Variants in PRKCZ observed in about 807,000 individuals in gnomAD.
The protein encoded by PRKCZ is protein kinase C zeta.
Under a neutral mutation model 79.5 loss-of-function variants are expected in PRKCZ, and 33 were observed. The observed-to-expected ratio is 0.41, with a 90% CI of 0.31 to 0.55. PRKCZ has a LOEUF of 0.55. Ranked by LOEUF, PRKCZ falls within the 20% of genes least tolerant of loss-of-function variation. PRKCZ has a pLI of 0.19. For missense variants in PRKCZ, 578 were observed against 813.5 expected, an observed-to-expected ratio of 0.71 and a Z score of 3.52; for synonymous variants, 342 against 320.9, an observed-to-expected ratio of 1.07 and a Z score of -0.70.
In PRKCZ at chr1:2,185,351, G is replaced by A. The variant is rs1687430879; in HGVS notation, c.*342G>A. 1.4e-6 allele frequency: 1 copy of A among 718,724 alleles called. No homozygotes were observed. Among genetic ancestry groups the A allele is most frequent in the African/African-American group, 1.7e-5 (1 of 57,280 alleles). The allele number at this position is 718,724 out of a possible 1,614,324, so 44.5% of individuals were successfully genotyped here. A position where few individuals can be genotyped will look rare whatever the true frequency, so the allele number is the denominator to read the frequency against. ...CACTGACCTGCTCCGCCAGGAAAGT[G>A]AGCGTGTAGCGTCCTGAGGAATAAA... is the stretch of plus-strand genomic sequence containing the variant. On this transcript the variant is annotated 3_prime_UTR_variant, in exon 18 of 18. Coordinates refer to ENST00000378567, the MANE Select transcript of PRKCZ (RefSeq NM_002744.6).
chr1:2,073,202 C>T (rs1048511232), intron 4 of PRKCZ, among the ~76,000 whole-genome samples: 1 of 152,096 alleles, frequency 6.6e-6, no homozygotes, highest in Non-Finnish European at 1.5e-5. Flanking sequence ...CCAGCCGGGA[C>T]AGTTTTCAGC....
At chr1:2,058,851 G>T (rs1660421069) in intron 3 of PRKCZ, among the ~76,000 whole-genome samples, 1 of 152,178 alleles carries the variant, frequency 6.6e-6, no homozygotes, top group Non-Finnish European at 1.5e-5. Flanking sequence ...AGCTGAGATT[G>T]TGCCACTGAG....
Position 2,061,989 on chromosome 1 carries a change from AC to A in PRKCZ, c.334+2399del, listed in dbSNP as rs572899626. Among the ~76,000 whole-genome samples the A allele has an allele frequency of 3.9e-3, 592 of 152,226 alleles. 9 individuals are homozygous for A. Among genetic ancestry groups the A allele is most frequent in the Non-Finnish European group, 4.2e-3 (285 of 68,004 alleles). ...GCTGAGGGTCAGTGAGAAGGGTCGG[AC>A]TGGGAGGTGTGTACAGTGGATGGAG... On this transcript the variant is annotated intron_variant, in intron 4 of 17. Transcript: ENST00000378567.
intron 10 of PRKCZ, among the ~76,000 whole-genome samples, chr1:2,167,253 A>T (rs1408583491): frequency 6.6e-6 from 1 of 152,240 alleles, no homozygotes; most frequent in Non-Finnish European, 1.5e-5. Context: ...CTGGAGAAGA[A>T]GGGGAAGCGG....
intron 4 of PRKCZ, among the ~76,000 whole-genome samples, chr1:2,130,153 G>C (rs1317887691): frequency 6.6e-6 from 1 of 152,186 alleles, no homozygotes; most frequent in Admixed American, 6.5e-5. Flanking sequence ...TGATCCACCT[G>C]CCTCGACCTA....
chr1:2,180,675 G>A (rs1385940757), intron 16 of PRKCZ, among the ~76,000 whole-genome samples: 1 of 152,198 alleles, frequency 6.6e-6, no homozygotes, highest in Non-Finnish European at 1.5e-5. Context: ...GGACGACTCA[G>A]ATCCACAGAT....
At chr1:2,111,003 C>T (rs898970118) in intron 4 of PRKCZ, among the ~76,000 whole-genome samples, 7 of 152,170 alleles carry the variant, frequency 4.6e-5, no homozygotes, top group Non-Finnish European at 1.5e-5. Context: ...CCCACCCTAC[C>T]CCGTGCCCGC....
chr1:2,184,404 CTT>C (rs1397658734), intron 16 of PRKCZ, 177 bp from the exon 17 acceptor site: 3 of 569,462 alleles, frequency 5.3e-6, no homozygotes, highest in African/African-American at 3.8e-5. Context: ...ATTTTTCTGA[CTT>C]TGGATATTTT....
At chr1:2,063,120 C>T (rs1361093360) in intron 4 of PRKCZ, among the ~76,000 whole-genome samples, 1 of 152,150 alleles carries the variant, frequency 6.6e-6, no homozygotes, top group Non-Finnish European at 1.5e-5. Context: ...CTTCTCAAGA[C>T]TGAACCGCAG....
intron 4 of PRKCZ, chr1:2,133,704 A>G (rs559553451): frequency 6.6e-6 from 1 of 151,882 alleles, no homozygotes; most frequent in African/African-American, 2.4e-5. Context: ...GCTGTGCGCC[A>G]CTTTCTCTGT....
chr1:2,126,515 C>G lies in PRKCZ; in HGVS notation c.335-8747C>G, dbSNP rs566658459. ...CGCCGACCCTGCCATGCCCACCCCC[C>G]TCCAGCCTGATTGCGTGTCTCAGTC... is the stretch of plus-strand genomic sequence containing the variant. On this transcript the variant is annotated intron_variant, in intron 4 of 17. Coordinates refer to ENST00000378567, the MANE Select transcript of PRKCZ (RefSeq NM_002744.6). Among the ~76,000 whole-genome samples, 20 of 152,258 alleles carry G rather than the reference C, an allele frequency of 1.3e-4. No individual in the cohort carries two copies. The East Asian group carries it at 3.5e-3, about 27-fold the overall frequency.
chr1:2,155,591 T>G (rs984456610), intron 9 of PRKCZ, among the ~76,000 whole-genome samples: 1 of 139,944 alleles, frequency 7.1e-6, no homozygotes, highest in African/African-American at 2.5e-5. Flanking sequence ...GTGATGACGG[T>G]GGTGGTGATG....
At chr1:2,104,499 G>A (rs1668026144) in intron 4 of PRKCZ, among the ~76,000 whole-genome samples, 1 of 152,148 alleles carries the variant, frequency 6.6e-6, no homozygotes, top group Non-Finnish European at 1.5e-5. Flanking sequence ...CTAGAGGAGT[G>A]AGGGGACAGA....
intron 4 of PRKCZ, among the ~76,000 whole-genome samples, chr1:2,109,616 A>G (rs1669308448): frequency 6.6e-6 from 1 of 152,188 alleles, no homozygotes; most frequent in Admixed American, 6.5e-5. Flanking sequence ...AGTCCATAGG[A>G]CATGGAGAGT....
intron 5 of PRKCZ, 80 bp from the exon 6 acceptor site, chr1:2,144,130 A>G (rs543262425): frequency 4.6e-6 from 7 of 1,507,568 alleles, no homozygotes; most frequent in East Asian, 2.5e-5. Flanking sequence ...TTGAGAAGGT[A>G]TAGGTGTGGA....
chr1:2,054,700 C>G (rs962288151), intron 1 of PRKCZ, among the ~76,000 whole-genome samples: 23 of 152,074 alleles, frequency 1.5e-4, no homozygotes, highest in Non-Finnish European at 3.1e-4. Flanking sequence ...CTGGCACCGT[C>G]GAGGTCTGGG....
chr1:2,077,310 G>A (rs1662618217), intron 4 of PRKCZ, among the ~76,000 whole-genome samples: 1 of 152,198 alleles, frequency 6.6e-6, no homozygotes, highest in African/African-American at 2.4e-5. Context: ...CGTCTCTTCT[G>A]TGGGAAGTTT....
Position 2,174,548 on chromosome 1 carries a change from C to T in PRKCZ, c.1406-206C>T, listed in dbSNP as rs192874145. ...AGCTGCTGGTTCACGTCCGATCCTA[C>T]GACACGTGCCAGCGCATGTAACCAG... On this transcript the variant is annotated intron_variant, in intron 14 of 17. Transcript: ENST00000378567. The surrounding 1 kb of genome is among the most constrained non-coding windows in gnomAD (Gnocchi z 6.2). Among the ~76,000 whole-genome samples, 2 of 152,342 alleles carry T rather than the reference C, an allele frequency of 1.3e-5. No homozygotes were observed. The highest frequency in any genetic ancestry group is 2.4e-5 in the African/African-American group (1 of 41,576).
intron 5 of PRKCZ, among the ~76,000 whole-genome samples, chr1:2,138,351 G>A (rs1475924719): frequency 6.6e-6 from 1 of 152,180 alleles, no homozygotes; most frequent in Non-Finnish European, 1.5e-5. Context: ...CGTTCAGTGG[G>A]GGAGCCAAAG....
Sources: gnomAD v4.1 joint callset for allele counts (sites outside exome capture counted in the v4.1 genomes callset) on GRCh38, gnomAD v4.1.1 for gene constraint, Gnocchi (gnomAD v3.1) non-coding constraint, MANE v1.5 for transcripts, NCBI Gene and HGNC (gene_info 2026-07-23, HGNC 2026-07-21) for gene names.